The following NHSL2 variants were observed in gnomAD, a reference collection of about 807,000 sequenced individuals.
The protein encoded by NHSL2 is NHS like 2, also known as NHS-like protein 2.
Under a neutral mutation model 53.4 loss-of-function variants are expected in NHSL2, and 27 were observed. The observed-to-expected ratio is 0.51, with a 90% CI of 0.37 to 0.70. The LOEUF is 0.70. NHSL2 is among the 30% of genes least tolerant of loss of function. The pLI, the probability that NHSL2 is intolerant of heterozygous loss-of-function variation, is 0.00. For synonymous variants in NHSL2, 408 were observed against 404.1 expected, an observed-to-expected ratio of 1.01 and a Z score of -0.12; for missense variants, 892 against 980.1, an observed-to-expected ratio of 0.91 and a Z score of 1.20.
chrX:72,094,791 G>A (rs1426711238), intron 1 of NHSL2, among the ~76,000 whole-genome samples: 2 of 111,920 alleles, frequency 1.8e-5, no homozygotes, highest in South Asian at 3.7e-4. Flanking sequence ...GGACCTGCCT[G>A]CCTGTCCATC....
At chrX:72,130,529 T>C in intron 1 of NHSL2, 1 of 1,211,296 alleles carries the variant, frequency 8.3e-7, no homozygotes, top group Non-Finnish European at 1.1e-6. Context: ...TCATCTTCAC[T>C]TTCTTCCTCA....
chrX:72,046,469 C>T (rs2042306592), intron 1 of NHSL2, among the ~76,000 whole-genome samples: 1 of 112,403 alleles, frequency 8.9e-6, no homozygotes, highest in South Asian at 3.7e-4. Flanking sequence ...AGCAAACTAA[C>T]TAATCAGAGT....
intron 1 of NHSL2, among the ~76,000 whole-genome samples, chrX:72,018,850 T>G (rs2042147539): frequency 8.9e-6 from 1 of 112,463 alleles, no homozygotes; most frequent in Admixed American, 9.2e-5. Context: ...GAGGGAAAGA[T>G]CGGGGCCCAG....
intron 1 of NHSL2, among the ~76,000 whole-genome samples, chrX:71,980,516 C>A (rs1288853761): frequency 1.8e-5 from 2 of 110,222 alleles, no homozygotes; most frequent in African/African-American, 6.7e-5. Flanking sequence ...TCAGGTGTCT[C>A]AAGCACTTTT....
intron 1 of NHSL2, among the ~76,000 whole-genome samples, chrX:72,102,910 C>T (rs960072192): frequency 2.7e-5 from 3 of 111,862 alleles, no homozygotes; most frequent in Non-Finnish European, 5.6e-5. Flanking sequence ...CGTGACAGCT[C>T]CTACCTGGAA....
chrX:71,993,401 A>G (rs1169539009), intron 1 of NHSL2, among the ~76,000 whole-genome samples: 1 of 111,679 alleles, frequency 9.0e-6, no homozygotes, highest in Non-Finnish European at 1.9e-5. Flanking sequence ...GCTGTTCTCT[A>G]TCTTTTGAGT....
intron 1 of NHSL2, among the ~76,000 whole-genome samples, chrX:72,105,513 G>C (rs952007474): frequency 8.9e-5 from 10 of 111,891 alleles, no homozygotes; most frequent in Non-Finnish European, 1.7e-4. Context: ...TAAGTGGGAT[G>C]AGGTAGGCGG....
chrX:72,020,702 G>A (rs967679141), intron 1 of NHSL2, among the ~76,000 whole-genome samples: 1 of 112,507 alleles, frequency 8.9e-6, no homozygotes, highest in Admixed American at 9.3e-5. Flanking sequence ...GGTTTCCCTT[G>A]GCCCCTGCCG....
chrX:72,091,763 T>C (rs890468141), intron 1 of NHSL2, among the ~76,000 whole-genome samples: 1 of 111,182 alleles, frequency 9.0e-6, no homozygotes, highest in Non-Finnish European at 1.9e-5. Context: ...CTTAGGTGTC[T>C]AGCAGCACTC....
At chrX:71,963,813 T>C (rs147940447) in intron 1 of NHSL2, among the ~76,000 whole-genome samples, 1,420 of 102,500 alleles carry the variant, frequency 0.014, 31 homozygotes, top group African/African-American at 0.049. Context: ...GTCCAAGCTA[T>C]TTGGGAGGCT....
At chrX:71,986,352 A>G (rs1249945380) in intron 1 of NHSL2, among the ~76,000 whole-genome samples, 2 of 112,044 alleles carry the variant, frequency 1.8e-5, no homozygotes, top group African/African-American at 3.2e-5. Flanking sequence ...TCATTTAACC[A>G]AAATGATAAA....
chrX:71,950,239 A>G (rs1212583094), intron 1 of NHSL2, among the ~76,000 whole-genome samples: 1 of 113,007 alleles, frequency 8.8e-6, no homozygotes, highest in East Asian at 2.8e-4. Flanking sequence ...GGCCCAGGCA[A>G]GAGGCAAAGG....
Position 72,143,619 on chromosome X carries a change from A to G in NHSL2, c.*45A>G. 3 of 860,937 alleles carry G rather than the reference A, an allele frequency of 3.5e-6. No homozygotes were observed. Among genetic ancestry groups the G allele is most frequent in the African/African-American group, 2.0e-5 (1 of 49,208 alleles). 71.0% of individuals were successfully genotyped at this position (860,937 alleles called of 1,213,427 possible). On this transcript the variant is annotated 3_prime_UTR_variant, in exon 8 of 8. Coordinates refer to ENST00000633930, the MANE Select transcript of NHSL2 (RefSeq NM_001013627.3). The stretch of plus-strand genomic sequence containing the variant: ...GGGTTTACTTACTAAACTTGAGTAG[A>G]GAAGGGGGAAGAGAAAGGGTCTTTA...
intron 1 of NHSL2, among the ~76,000 whole-genome samples, chrX:71,939,534 G>A (rs1217997028): frequency 8.9e-6 from 1 of 111,815 alleles, no homozygotes; most frequent in Non-Finnish European, 1.9e-5. Context: ...CATCAGGGAT[G>A]ATGCCTAGGT....
chrX:71,933,545 G>T (rs2041723751), intron 1 of NHSL2, among the ~76,000 whole-genome samples: 2 of 111,663 alleles, frequency 1.8e-5, no homozygotes, highest in African/African-American at 6.5e-5. Context: ...CATAGGTTGG[G>T]GAGGAGATAT....
chrX:72,129,818 C>G, intron 1 of NHSL2: 1 of 1,180,199 alleles, frequency 8.5e-7, no homozygotes. Flanking sequence ...GGGTGGCCAT[C>G]TGGCCCCAGC....
intron 1 of NHSL2, among the ~76,000 whole-genome samples, chrX:71,944,037 C>T (rs2041781199): frequency 8.9e-6 from 1 of 111,737 alleles, no homozygotes; most frequent in Non-Finnish European, 1.9e-5. Context: ...GAGACTGCCC[C>T]TTACATTTCA....
At chrX:71,918,376 TA>T (rs11333019) in intron 1 of NHSL2, among the ~76,000 whole-genome samples, 18,914 of 103,822 alleles carry the variant, frequency 0.18, 2,258 homozygotes, top group African/African-American at 0.41. Flanking sequence ...TTTTTTTTTT[TA>T]AAATGGACTC....
chrX:72,143,711 G>A lies in NHSL2; in HGVS notation c.*137G>A. The A allele has an allele frequency of 2.3e-6, 1 of 434,175 alleles. No individual in the cohort carries two copies. The highest frequency in any genetic ancestry group is 4.0e-6 in the Non-Finnish European group (1 of 250,624). 35.8% of individuals were successfully genotyped at this position (434,175 alleles called of 1,213,427 possible). A position where few individuals can be genotyped will look rare whatever the true frequency, so the allele number is the denominator to read the frequency against. ...TTAACTCACACTCTGGACAGCAGGA[G>A]AGAGGCTACTTCATCTAGAGCTAAA... On this transcript the variant is annotated 3_prime_UTR_variant, in exon 8 of 8. Transcript: ENST00000633930.
Sources: allele counts gnomAD v4.1 joint callset (sites outside exome capture counted in the v4.1 genomes callset), GRCh38; gene constraint gnomAD v4.1.1; transcripts MANE v1.5; gene names NCBI Gene and HGNC (gene_info 2026-07-23, HGNC 2026-07-21).